RTL4: variants seen among roughly 807,000 people sequenced by gnomAD.
RTL4 encodes the protein retrotransposon Gag like 4.
A neutral mutation model predicts 5.3 loss-of-function variants in RTL4; 4 were observed. The observed-to-expected ratio is 0.75, with a 90% CI of 0.37 to 1.72. The LOEUF (loss-of-function observed/expected upper bound fraction) is 1.72. Ranked by LOEUF, RTL4 falls within the 40% of genes most tolerant of loss-of-function variation. RTL4 has a pLI of 0.04. For missense variants in RTL4, 260 were observed against 227.1 expected, an observed-to-expected ratio of 1.14 and a Z score of -0.93; for synonymous variants, 98 against 87.3, an observed-to-expected ratio of 1.12 and a Z score of -0.68.
At chrX:112,356,579 GGTGTGTGTGTGT>G in the RTL4 span, among the ~76,000 whole-genome samples, 26 of 99,452 alleles carry the variant, frequency 2.6e-4, no homozygotes, top group Admixed American at 3.3e-4. Context: ...TTTGTTTTGG[GGTGTGTGTGTGT>G]GTGTGTGTGT....
At chrX:112,287,241 A>C in the RTL4 span, among the ~76,000 whole-genome samples, 1 of 111,705 alleles carries the variant, frequency 9.0e-6, no homozygotes, top group Admixed American at 9.5e-5. Context: ...GTCATTATTA[A>C]ATACCTTAAA....
At chrX:112,421,985 C>T in the RTL4 span, among the ~76,000 whole-genome samples, 5 of 111,667 alleles carry the variant, frequency 4.5e-5, no homozygotes, top group Non-Finnish European at 9.4e-5. Context: ...GACAGTTTAG[C>T]CCAACAAAAA....
chrX:112,454,556 G>A, exon 1 of RTL4: 1 of 419,929 alleles, frequency 2.4e-6, no homozygotes, highest in South Asian at 6.5e-5. Flanking sequence ...AACACTTTTT[G>A]GCATCTCTCC....
the RTL4 span, among the ~76,000 whole-genome samples, chrX:112,368,305 C>T: frequency 7.2e-5 from 8 of 110,999 alleles, no homozygotes; most frequent in African/African-American, 9.8e-5. Flanking sequence ...ACATTGTGAA[C>T]GTCTGGTGAA....
At chrX:112,334,213 C>G in the RTL4 span, among the ~76,000 whole-genome samples, 1 of 111,846 alleles carries the variant, frequency 8.9e-6, no homozygotes, top group Non-Finnish European at 1.9e-5. Context: ...TTGACAGACA[C>G]TTAAGTTGCT....
At chrX:112,393,006 G>A in the RTL4 span, among the ~76,000 whole-genome samples, 1 of 110,528 alleles carries the variant, frequency 9.0e-6, no homozygotes, top group African/African-American at 3.3e-5. Context: ...TGAAGTCTCT[G>A]TTGGCCAGAG....
At chrX:112,408,506 A>G in the RTL4 span, among the ~76,000 whole-genome samples, 1 of 110,831 alleles carries the variant, frequency 9.0e-6, no homozygotes, top group Non-Finnish European at 1.9e-5. Flanking sequence ...AAGCACACCT[A>G]CAAGATTAGG....
chrX:112,238,579 A>G, the RTL4 span, among the ~76,000 whole-genome samples: 2 of 112,041 alleles, frequency 1.8e-5, no homozygotes, highest in Non-Finnish European at 3.8e-5. Flanking sequence ...AAAAATAAAA[A>G]TCTATGGATT....
At chrX:112,297,192 C>G in the RTL4 span, among the ~76,000 whole-genome samples, 1 of 111,176 alleles carries the variant, frequency 9.0e-6, no homozygotes, top group Admixed American at 9.7e-5. Flanking sequence ...CTTAGAATCC[C>G]TTATCGTGGG....
At chrX:112,380,455 G>T in the RTL4 span, among the ~76,000 whole-genome samples, 742 of 111,922 alleles carry the variant, frequency 6.6e-3, 3 homozygotes, top group African/African-American at 0.022. Context: ...CCTGGCCCGG[G>T]ATCAATTTTT....
chrX:112,269,417 C>G, the RTL4 span, among the ~76,000 whole-genome samples: 10 of 111,183 alleles, frequency 9.0e-5, no homozygotes, highest in African/African-American at 2.9e-4. Context: ...GCTCTTACAG[C>G]CCAAATATCT....
At chrX:112,095,317 G>C in the RTL4 span, among the ~76,000 whole-genome samples, 2 of 111,572 alleles carry the variant, frequency 1.8e-5, no homozygotes, top group Non-Finnish European at 3.8e-5. Context: ...GGTTTGATGA[G>C]AGTGGATAAA....
the RTL4 span, among the ~76,000 whole-genome samples, chrX:112,306,846 C>G: frequency 8.9e-6 from 1 of 111,835 alleles, no homozygotes; most frequent in African/African-American, 3.2e-5. Flanking sequence ...GCAGTGGCCA[C>G]AGCAGGAAGC....
the RTL4 span, among the ~76,000 whole-genome samples, chrX:112,089,281 G>A: frequency 9.1e-6 from 1 of 110,484 alleles, no homozygotes; most frequent in Non-Finnish European, 1.9e-5. Context: ...TTTTTCTTTT[G>A]TTACTTATGC....
chrX:112,364,656 G>A, the RTL4 span, among the ~76,000 whole-genome samples: 1 of 111,032 alleles, frequency 9.0e-6, no homozygotes, highest in Admixed American at 9.6e-5. Flanking sequence ...GCAACTCCGA[G>A]CAGCTATAGG....
chrX:112,375,129 G>C, the RTL4 span, among the ~76,000 whole-genome samples: 4 of 111,421 alleles, frequency 3.6e-5, no homozygotes, highest in African/African-American at 1.3e-4. Context: ...AAATGCTTAA[G>C]TATGCCTTCC....
chrX:112,402,983 G>T, the RTL4 span, among the ~76,000 whole-genome samples: 1 of 111,835 alleles, frequency 8.9e-6, no homozygotes, highest in Non-Finnish European at 1.9e-5. Context: ...TTTGTTTTGA[G>T]TAATTTAGTA....
the RTL4 span, among the ~76,000 whole-genome samples, chrX:112,219,425 T>C: frequency 3.2e-4 from 36 of 112,492 alleles, no homozygotes; most frequent in Non-Finnish European, 6.0e-4. Context: ...TTAATAAATA[T>C]TTCTTCAAAG....
chrX:112,211,883 A>G, the RTL4 span, among the ~76,000 whole-genome samples: 2 of 112,126 alleles, frequency 1.8e-5, no homozygotes, highest in Non-Finnish European at 3.8e-5. Context: ...AAATAAAATA[A>G]ATACAAATTG....
Sources: gnomAD v4.1 joint callset for allele counts (sites outside exome capture counted in the v4.1 genomes callset) on GRCh38, gnomAD v4.1.1 for gene constraint, MANE v1.5 for transcripts, NCBI Gene and HGNC (gene_info 2026-07-23, HGNC 2026-07-21) for gene names.